The following CNOT1 variants were observed in gnomAD, a reference collection of about 807,000 sequenced individuals.
The protein encoded by CNOT1 is CCR4-associated factor 1.
A neutral mutation model predicts 273.8 loss-of-function variants in CNOT1; 15 were observed. That is an observed-to-expected ratio of 0.05 (90% confidence interval 0.04 to 0.08). CNOT1 has a LOEUF of 0.08. CNOT1 is among the 10% of genes least tolerant of loss of function. CNOT1 has a pLI of 1.00. For missense variants in CNOT1, 1,644 were observed against 2,912.2 expected, an observed-to-expected ratio of 0.56 and a Z score of 10.02; for synonymous variants, 1,022 against 1,005.5, an observed-to-expected ratio of 1.02 and a Z score of -0.31.
intron 1 of CNOT1, among the ~76,000 whole-genome samples, chr16:58,603,313 T>C (rs1428505717): frequency 6.6e-6 from 1 of 152,124 alleles, no homozygotes; most frequent in African/African-American, 2.4e-5. Flanking sequence ...GAGGACTGCT[T>C]GAACGCGGGA....
intron 2 of CNOT1, among the ~76,000 whole-genome samples, chr16:58,597,156 A>T (rs1028987515): frequency 4.0e-5 from 6 of 151,760 alleles, no homozygotes; most frequent in Non-Finnish European, 8.8e-5. Context: ...ATTTCTAGAA[A>T]GTAGAAAGAT....
chr16:58,584,740 T>A (rs555634870), intron 8 of CNOT1, among the ~76,000 whole-genome samples: 75 of 152,282 alleles, frequency 4.9e-4, no homozygotes, highest in African/African-American at 1.7e-3. Flanking sequence ...TCAGTGAGAA[T>A]GTGATTTGTC....
intron 45 of CNOT1, 27 bp downstream of exon 45, chr16:58,525,962 G>T: frequency 6.2e-7 from 1 of 1,606,054 alleles, no homozygotes; most frequent in South Asian, 1.1e-5. Context: ...GGAAGACGTA[G>T]ATGAGTTTTA....
At chr16:58,600,272 A>AGGGATGTGGAGGTTGC (rs11276191) in intron 1 of CNOT1, among the ~76,000 whole-genome samples, 79,519 of 151,846 alleles carry the variant, frequency 0.52, 21,270 homozygotes, top group Middle Eastern at 0.57. Flanking sequence ...TGCTTGAACC[A>AGGGATGTGGAGGTTGC]GGTGAGCCGA....
At position 58,586,711 on chromosome 16, in the gene CNOT1, C is replaced by T. The variant is rs200232442; in HGVS notation, c.471G>A (p.Leu157=). The T allele has an allele frequency of 2.5e-6, 4 of 1,613,160 alleles. No individual in the cohort carries two copies. In the East Asian group the frequency reaches 8.9e-5, roughly 36 times the overall value. ...QFIKQKLPDL[L]RSYIDADVSG... Reference sequence around the variant, plus strand: ...TGACGTCTGCGTCAATGTAAGAACGCAGAAGATCTGGAAGCTTCTGTTTGA... The same window carrying T: ...TGACGTCTGCGTCAATGTAAGAACGTAGAAGATCTGGAAGCTTCTGTTTGA... The change falls in exon 7 of 49, where the codon CTG becomes CTA. Residue 157 remains leucine, a synonymous_variant. Transcript: ENST00000317147.
intron 1 of CNOT1, among the ~76,000 whole-genome samples, chr16:58,620,605 C>T (rs945859147): frequency 1.4e-5 from 2 of 142,878 alleles, no homozygotes; most frequent in African/African-American, 2.6e-5. Flanking sequence ...GCCAAGCTCG[C>T]GACACTACAT....
At chr16:58,618,434 T>C (rs907464710) in intron 1 of CNOT1, among the ~76,000 whole-genome samples, 5 of 151,792 alleles carry the variant, frequency 3.3e-5, no homozygotes, top group Non-Finnish European at 5.9e-5. Context: ...TACAAAAAAT[T>C]AGCAGGACAT....
At position 58,588,925 on chromosome 16, in the gene CNOT1, A is replaced by C; in HGVS notation, c.103-19T>G. On this transcript the variant is annotated intron_variant, in intron 2 of 48. Transcript: ENST00000317147. ...TCACAATCTAAAATGACCAAAAATAACATGTTTAATAAGGGAAGATAAAAC... is the reference window on the plus strand; with the variant it reads ...TCACAATCTAAAATGACCAAAAATACCATGTTTAATAAGGGAAGATAAAAC... 1.9e-6 allele frequency: 3 copies of C among 1,599,486 alleles called. No homozygotes were observed. The highest frequency in any genetic ancestry group is 2.6e-6 in the Non-Finnish European group (3 of 1,173,588).
intron 17 of CNOT1, among the ~76,000 whole-genome samples, chr16:58,559,520 T>C (rs576581816): frequency 1.3e-5 from 2 of 152,302 alleles, no homozygotes; most frequent in East Asian, 1.9e-4. Flanking sequence ...AGCTCCAATT[T>C]TGAAAACAAA....
intron 40 of CNOT1, among the ~76,000 whole-genome samples, chr16:58,533,403 GA>G (rs1249877718): frequency 1.3e-5 from 2 of 152,210 alleles, no homozygotes; most frequent in Non-Finnish European, 2.9e-5. Context: ...TTGGGAGGCT[GA>G]GGCAGGCGGA....
At chr16:58,561,581 C>T (rs2040842503) in intron 16 of CNOT1, among the ~76,000 whole-genome samples, 1 of 152,046 alleles carries the variant, frequency 6.6e-6, no homozygotes, top group Non-Finnish European at 1.5e-5. Flanking sequence ...ACAATTAAAC[C>T]AATTTTCCTA....
At chr16:58,541,436 T>C (rs2040093747) in intron 34 of CNOT1, 65 bp downstream of exon 34, 2 of 1,579,534 alleles carry the variant, frequency 1.3e-6, no homozygotes, top group East Asian at 2.3e-5. Flanking sequence ...CAAAAACATA[T>C]ATTAAATGTC....
chr16:58,541,742 G>A, intron 33 of CNOT1, 122 bp from the exon 34 acceptor site: 1 of 850,194 alleles, frequency 1.2e-6, no homozygotes, highest in South Asian at 1.7e-5. Context: ...ACATATAACA[G>A]CATGATTAAG....
intron 1 of CNOT1, among the ~76,000 whole-genome samples, chr16:58,607,396 C>CT (rs2042717510): frequency 6.6e-6 from 1 of 152,034 alleles, no homozygotes; most frequent in South Asian, 2.1e-4. Flanking sequence ...TATATAGTTG[C>CT]TTTTTTGTGA....
chr16:58,629,577 C>T (rs2043745172), intron 1 of CNOT1, among the ~76,000 whole-genome samples, 151 bp downstream of exon 1: 1 of 152,182 alleles, frequency 6.6e-6, no homozygotes, highest in Non-Finnish European at 1.5e-5. Flanking sequence ...CCTCGTCCCA[C>T]TTCCCCGTCC....
intron 16 of CNOT1, among the ~76,000 whole-genome samples, chr16:58,568,157 G>A (rs1440670237): frequency 3.3e-5 from 5 of 152,024 alleles, no homozygotes; most frequent in African/African-American, 1.2e-4. Flanking sequence ...ACCTGAGGTC[G>A]GGAGTTTGAG....
At chr16:58,560,527 G>A (rs760207736) in intron 16 of CNOT1, among the ~76,000 whole-genome samples, 165 bp from the exon 17 acceptor site, 16 of 151,868 alleles carry the variant, frequency 1.1e-4, no homozygotes, top group Non-Finnish European at 2.1e-4. Flanking sequence ...CTGCCCCCCG[G>A]GTTCAAGCGA....
intron 29 of CNOT1, among the ~76,000 whole-genome samples, chr16:58,545,929 T>C (rs772746046): frequency 6.6e-6 from 1 of 152,208 alleles, no homozygotes; most frequent in East Asian, 1.9e-4. Context: ...TCCCATCTTC[T>C]TCATGTAGAT....
chr16:58,559,199 G>A (rs935352625), intron 17 of CNOT1, among the ~76,000 whole-genome samples: 2 of 152,052 alleles, frequency 1.3e-5, no homozygotes, highest in Non-Finnish European at 2.9e-5. Context: ...TCATGTCAGT[G>A]CTCCAAAAGT....
Sources: gnomAD v4.1 joint callset for allele counts (sites outside exome capture counted in the v4.1 genomes callset) on GRCh38, gnomAD v4.1.1 for gene constraint, MANE v1.5 for transcripts, NCBI Gene and HGNC (gene_info 2026-07-23, HGNC 2026-07-21) for gene names.